The following NUP93 variants were observed in gnomAD, a reference collection of about 807,000 sequenced individuals.
The protein encoded by NUP93 is nucleoporin 93, also known as nuclear pore complex protein Nup93.
NUP93 carries 55 observed loss-of-function variants against 107.8 expected under a neutral mutation model. The observed-to-expected ratio is 0.51, with a 90% CI of 0.41 to 0.64. NUP93 has a LOEUF of 0.64. Among genes scored for constraint, NUP93 ranks in the 30% least tolerant of loss-of-function variants. The pLI, the probability that NUP93 is intolerant of heterozygous loss-of-function variation, is 0.00. For synonymous variants in NUP93, 390 were observed against 397.5 expected, an observed-to-expected ratio of 0.98 and a Z score of 0.22; for missense variants, 937 against 1,044.7, an observed-to-expected ratio of 0.90 and a Z score of 1.42.
At chr16:56,819,236 C>T (rs1018047134) in intron 6 of NUP93, among the ~76,000 whole-genome samples, 1 of 152,172 alleles carries the variant, frequency 6.6e-6, no homozygotes, top group African/African-American at 2.4e-5. Flanking sequence ...TAGATGAGGA[C>T]CGCCCAATAG....
chr16:56,741,825 A>G (rs1239560736), intron 1 of NUP93: 1 of 152,208 alleles, frequency 6.6e-6, no homozygotes, highest in African/African-American at 2.4e-5. Context: ...TGGGTATGTT[A>G]CTACATACAT....
At chr16:56,745,497 G>C (rs1961807786) in intron 1 of NUP93, among the ~76,000 whole-genome samples, 1 of 152,240 alleles carries the variant, frequency 6.6e-6, no homozygotes, top group African/African-American at 2.4e-5. Context: ...CTGAAGCTGG[G>C]AGGTTAGGGA....
intron 3 of NUP93, among the ~76,000 whole-genome samples, chr16:56,798,039 C>A (rs1962938368): frequency 6.6e-6 from 1 of 152,270 alleles, no homozygotes; most frequent in East Asian, 1.9e-4. Context: ...AAGTGAAAAG[C>A]ACATAGACAA....
intron 20 of NUP93, among the ~76,000 whole-genome samples, chr16:56,840,105 C>A (rs913520914): frequency 1.3e-5 from 2 of 152,116 alleles, no homozygotes; most frequent in Admixed American, 6.5e-5. Context: ...ACTGCAAGCT[C>A]TACCTCCCGG....
intron 5 of NUP93, among the ~76,000 whole-genome samples, 177 bp from the exon 6 acceptor site, chr16:56,818,487 A>G (rs933471773): frequency 1.3e-5 from 2 of 152,226 alleles, no homozygotes; most frequent in African/African-American, 4.8e-5. Context: ...TCATGTGTTC[A>G]TAGTAAAAGT....
intron 1 of NUP93, among the ~76,000 whole-genome samples, chr16:56,731,677 T>A (rs940768200): frequency 8.5e-5 from 13 of 152,184 alleles, no homozygotes; most frequent in Non-Finnish European, 1.5e-4. Context: ...CACAAAAGTG[T>A]TGGAATTACA....
chr16:56,844,638 G>A lies in NUP93; in HGVS notation c.*29G>A, dbSNP rs1357262434. ...CCATGCTTTGTGGGAGTCTGGGTCG[G>A]CACACTGTCAGTACATCAGGCACAT... On this transcript the variant is annotated 3_prime_UTR_variant, in exon 22 of 22. Transcript: ENST00000308159. 1.0e-5 allele frequency: 15 copies of A among 1,485,662 alleles called. No individual in the cohort carries two copies. Among genetic ancestry groups the A allele is most frequent in the Non-Finnish European group, 1.4e-5 (15 of 1,082,682 alleles). The allele number at this position is 1,485,662 out of a possible 1,614,324, so 92.0% of individuals were successfully genotyped here.
intron 19 of NUP93, 142 bp downstream of exon 19, chr16:56,839,211 T>A (rs1963972031): frequency 5.1e-6 from 2 of 388,466 alleles, no homozygotes; most frequent in East Asian, 9.3e-5. Flanking sequence ...ATCCTGGGAC[T>A]TAAAAGGAGT....
intron 5 of NUP93, among the ~76,000 whole-genome samples, chr16:56,815,902 C>CTGCTGCTGCTGGTGCTGCTGCTGCTGG (rs58150388): frequency 6.0e-5 from 8 of 133,086 alleles, no homozygotes; most frequent in African/African-American, 2.1e-4. Context: ...GCTGCTGGTG[C>CTGCTGCTGCTGGTGCTGCTGCTGCTGG]TGCTGCTGCT....
intron 1 of NUP93, among the ~76,000 whole-genome samples, chr16:56,732,707 C>T (rs913867123): frequency 6.6e-6 from 1 of 152,018 alleles, no homozygotes; most frequent in Non-Finnish European, 1.5e-5. Context: ...AGCAAAGATC[C>T]GAAGGTGAGA....
intron 3 of NUP93, among the ~76,000 whole-genome samples, chr16:56,766,538 A>G (rs1313395334): frequency 1.3e-5 from 2 of 152,210 alleles, no homozygotes; most frequent in African/African-American, 2.4e-5. Flanking sequence ...AGTGGTTGTG[A>G]TTTAAATGGT....
At chr16:56,802,488 G>A (rs920135536) in intron 4 of NUP93, among the ~76,000 whole-genome samples, 1 of 152,160 alleles carries the variant, frequency 6.6e-6, no homozygotes, top group Non-Finnish European at 1.5e-5. Flanking sequence ...ACAGTTGGAA[G>A]ACTGTTTTTA....
intron 5 of NUP93, among the ~76,000 whole-genome samples, chr16:56,808,616 T>C (rs1228091443): frequency 6.4e-5 from 8 of 124,900 alleles, no homozygotes; most frequent in African/African-American, 2.3e-4. Flanking sequence ...ATATAAATAT[T>C]TATAAATATA....
rs145646450 is a variant in NUP93, at chr16:56,732,692, G to A, written c.-15+2481G>A. 5.9e-5 allele frequency among the ~76,000 whole-genome samples: 9 copies of A among 152,328 alleles called. No individual in the cohort carries two copies. In the East Asian group the frequency reaches 1.7e-3, roughly 29 times the overall value. ...ATGGATGTGCCAAGGAGGGGGACAG[G>A]TTGGAGCAAAGATCCGAAGGTGAGA... is the stretch of plus-strand genomic sequence containing the variant. On this transcript the variant is annotated intron_variant, in intron 1 of 21. Transcript: ENST00000308159.
chr16:56,827,373 C>T (rs1203082354), intron 8 of NUP93, among the ~76,000 whole-genome samples: 2 of 152,064 alleles, frequency 1.3e-5, no homozygotes, highest in Admixed American at 1.3e-4. Context: ...ATAACTGGTG[C>T]GGCAAGGACC....
rs1354738875 is a variant in NUP93, at chr16:56,730,202, G to C, written c.-24G>C. 1 of 152,418 alleles carries C rather than the reference G, an allele frequency of 6.6e-6. No individual in the cohort carries two copies. Among genetic ancestry groups the C allele is most frequent in the Non-Finnish European group, 1.5e-5 (1 of 68,198 alleles). 9.4% of individuals were successfully genotyped at this position (152,418 alleles called of 1,614,324 possible). On this transcript the variant is annotated 5_prime_UTR_variant, in exon 1 of 22. Transcript: ENST00000308159. ...CGGCACCTGAGCGGCGGAGACGGCT[G>C]TAGCACAAGGTAAGGGTGTGTCTGG...
Position 56,844,620 on chromosome 16 carries a change from T to A in NUP93, c.*11T>A. 1 of 1,574,120 alleles carries A rather than the reference T, an allele frequency of 6.4e-7. No individual in the cohort carries two copies. Among genetic ancestry groups the A allele is most frequent in the African/African-American group, 1.4e-5 (1 of 73,352 alleles). ...GTCCTCATGAATTAAGTGCCATGCT[T>A]TGTGGGAGTCTGGGTCGGCACACTG... On this transcript the variant is annotated 3_prime_UTR_variant, in exon 22 of 22. Coordinates refer to ENST00000308159, the MANE Select transcript of NUP93 (RefSeq NM_014669.5).
chr16:56,757,522 G>A (rs1035559589), intron 2 of NUP93, among the ~76,000 whole-genome samples: 5 of 151,964 alleles, frequency 3.3e-5, no homozygotes, highest in Non-Finnish European at 7.4e-5. Flanking sequence ...ACTACACTAC[G>A]AGTTCCCCTA....
chr16:56,782,848 A>G (rs1293643470), intron 3 of NUP93, among the ~76,000 whole-genome samples: 1 of 152,202 alleles, frequency 6.6e-6, no homozygotes, highest in African/African-American at 2.4e-5. Flanking sequence ...AGGATTCCTA[A>G]GTATTTACTA....
Sources: allele counts gnomAD v4.1 joint callset (sites outside exome capture counted in the v4.1 genomes callset), GRCh38; gene constraint gnomAD v4.1.1; transcripts MANE v1.5; gene names NCBI Gene and HGNC (gene_info 2026-07-23, HGNC 2026-07-21).